NCAPH: variants seen among roughly 807,000 people sequenced by gnomAD.
NCAPH encodes the protein non-SMC condensin I complex subunit H, also known as condensin complex subunit 2.
In NCAPH, 38 loss-of-function variants were observed where a neutral mutation model predicts 85.5. The ratio of observed to expected loss-of-function variants is 0.44; its 90% CI spans 0.34 to 0.58. The LOEUF is 0.58. Ranked by LOEUF, NCAPH falls within the 20% of genes least tolerant of loss-of-function variation. The pLI, the probability that NCAPH is intolerant of heterozygous loss-of-function variation, is 0.01. For synonymous variants in NCAPH, 301 were observed against 335.1 expected (o/e 0.90, Z 1.11); for missense variants, 789 against 916.6 (o/e 0.86, Z 1.80).
At chr2:96,345,523 A>G (rs930174196) in intron 6 of NCAPH, among the ~76,000 whole-genome samples, 1 of 152,230 alleles carries the variant, frequency 6.6e-6, no homozygotes, top group African/African-American at 2.4e-5. Context: ...ACCTGCAGAA[A>G]GGAGCAGTGC....
At chr2:96,365,432 T>C (rs1281084413) in intron 13 of NCAPH, among the ~76,000 whole-genome samples, 1 of 148,438 alleles carries the variant, frequency 6.7e-6, no homozygotes, top group Non-Finnish European at 1.5e-5. Context: ...TACTGATACA[T>C]TCACTCTGGA....
rs912625546 is a variant in NCAPH, at chr2:96,369,104, T to A, written c.2090+41T>A. 1.8e-5 allele frequency: 27 copies of A among 1,535,298 alleles called. No homozygotes were observed. In the Admixed American group the frequency reaches 5.2e-4, roughly 30 times the overall value. ...CATGGGGGCTTTGTTGGGGCTCACC[T>A]CTCTGAGCTGTCCGCGTGGCAGGCC... On this transcript the variant is annotated intron_variant, in intron 16 of 17. Transcript: ENST00000240423.
intron 6 of NCAPH, among the ~76,000 whole-genome samples, chr2:96,345,678 T>G (rs2064353024): frequency 6.6e-6 from 1 of 152,154 alleles, no homozygotes; most frequent in African/African-American, 2.4e-5. Context: ...GGCAGTAGCT[T>G]AGTAACTGGG....
chr2:96,362,552 C>G (rs1259070002), intron 12 of NCAPH, among the ~76,000 whole-genome samples: 1 of 151,330 alleles, frequency 6.6e-6, no homozygotes, highest in Non-Finnish European at 1.5e-5. Flanking sequence ...ATCACTGGAA[C>G]CCAAGAGGTG....
chr2:96,360,463 C>A, intron 11 of NCAPH, 125 bp from the exon 12 acceptor site: 1 of 1,169,116 alleles, frequency 8.6e-7, no homozygotes, highest in Non-Finnish European at 1.2e-6. Context: ...CACTTTTTTA[C>A]ATAGAACTGT....
At chr2:96,361,704 T>C (rs1013496259) in intron 12 of NCAPH, among the ~76,000 whole-genome samples, 1 of 149,270 alleles carries the variant, frequency 6.7e-6, no homozygotes, top group Non-Finnish European at 1.5e-5. Context: ...ATTAAGACTT[T>C]ATACTTTCCT....
chr2:96,356,472 T>C (rs181162856), intron 9 of NCAPH, among the ~76,000 whole-genome samples: 97 of 152,378 alleles, frequency 6.4e-4, no homozygotes, highest in Non-Finnish European at 1.1e-3. Context: ...GCCAGGTGCC[T>C]TATGTGTGTT....
Position 96,376,211 on chromosome 2 carries a change from T to A in NCAPH, c.*2860T>A, listed in dbSNP as rs1299098571. Among the ~76,000 whole-genome samples, 3 of 152,172 alleles carry A rather than the reference T, an allele frequency of 2.0e-5. No individual in the cohort carries two copies. The highest frequency in any genetic ancestry group is 2.9e-5 in the Non-Finnish European group (2 of 68,034). The stretch of plus-strand genomic sequence containing the variant: ...ATGTCCATAACTGAAGTTTTAACAT[T>A]CTCTGCCAAACAGAACCAGAATTTA... On this transcript the variant is annotated 3_prime_UTR_variant, in exon 18 of 18. Coordinates refer to ENST00000240423, the MANE Select transcript of NCAPH (RefSeq NM_015341.5).
intron 17 of NCAPH, among the ~76,000 whole-genome samples, chr2:96,370,238 G>T (rs2064754920): frequency 6.6e-6 from 1 of 152,256 alleles, no homozygotes; most frequent in African/African-American, 2.4e-5. Context: ...AGGGCTATGG[G>T]CTGGGCCATG....
chr2:96,372,628 A>G (rs2064789001), intron 17 of NCAPH, among the ~76,000 whole-genome samples: 1 of 152,172 alleles, frequency 6.6e-6, no homozygotes, highest in Admixed American at 6.5e-5. Flanking sequence ...CAACAGATCC[A>G]CACTGCAGAC....
intron 6 of NCAPH, 54 bp downstream of exon 6, chr2:96,344,283 T>A (rs1573067647): frequency 1.3e-6 from 2 of 1,541,452 alleles, no homozygotes; most frequent in East Asian, 2.3e-5. Flanking sequence ...CCTTAGGGGC[T>A]GAGACTTGGC....
Position 96,359,197 on chromosome 2 carries a change from T to C in NCAPH, c.1357+4T>C, listed in dbSNP as rs1430474429. 1 of 1,613,426 alleles carries C rather than the reference T, an allele frequency of 6.2e-7. No individual in the cohort carries two copies. The highest frequency in any genetic ancestry group is 1.3e-5 in the African/African-American group (1 of 74,908). On this transcript the variant is annotated splice_donor_region_variant and intron_variant, in intron 10 of 17. Coordinates refer to ENST00000240423, the MANE Select transcript of NCAPH (RefSeq NM_015341.5). ...CGCTTTAGGCCTCGACGCAAACGTA[T>C]GTAATTCTAGGTGGAATTTTAAGAA...
At chr2:96,356,854 G>T (rs2064531656) in intron 9 of NCAPH, among the ~76,000 whole-genome samples, 1 of 150,842 alleles carries the variant, frequency 6.6e-6, no homozygotes, top group Non-Finnish European at 1.5e-5. Flanking sequence ...TTGTGTAGAT[G>T]CCTCACGTTA....
At chr2:96,358,579 C>T (rs1459680776) in intron 9 of NCAPH, among the ~76,000 whole-genome samples, 1 of 152,154 alleles carries the variant, frequency 6.6e-6, no homozygotes, top group Non-Finnish European at 1.5e-5. Context: ...CGCCATTCTC[C>T]TGCCTCAGCC....
chr2:96,347,263 AG>A (rs1365520838), intron 6 of NCAPH, among the ~76,000 whole-genome samples: 1 of 146,836 alleles, frequency 6.8e-6, no homozygotes, highest in Admixed American at 6.9e-5. Context: ...CAATTGGAGC[AG>A]TGCCCCTCAG....
rs1333541448 is a variant in NCAPH at position 96,374,298 on chromosome 2, C to CAGCAGTGGGTGGAG, written c.*955_*968dup. 6.6e-6 allele frequency among the ~76,000 whole-genome samples: 1 copy of CAGCAGTGGGTGGAG among 152,230 alleles called. No individual in the cohort carries two copies. The highest frequency in any genetic ancestry group is 1.9e-4 in the East Asian group (1 of 5,204). On this transcript the variant is annotated 3_prime_UTR_variant, in exon 18 of 18. Coordinates refer to ENST00000240423, the MANE Select transcript of NCAPH (RefSeq NM_015341.5). ...GCTACCTGGATAGGTCATACAGGCT[C>CAGCAGTGGGTGGAG]AGCAGTGGGTGGAGAGCAGTGCTCA...
chr2:96,335,858 G>A lies in NCAPH; in HGVS notation c.19+10G>A. ...GGACCTCCCGGCCCAGGTGAGCCGG[G>A]CGGTCGGGAGGCGCGGCGGGAAGGG... On this transcript the variant is annotated intron_variant, in intron 1 of 17. Coordinates refer to ENST00000240423, the MANE Select transcript of NCAPH (RefSeq NM_015341.5). 6 of 1,485,410 alleles carry A rather than the reference G, an allele frequency of 4.0e-6. No homozygotes were observed. Among genetic ancestry groups the A allele is most frequent in the South Asian group, 1.3e-5 (1 of 76,740 alleles). The allele number at this position is 1,485,410 out of a possible 1,614,324, so 92.0% of individuals were successfully genotyped here.
Position 96,340,974 on chromosome 2 carries a change from G to A in NCAPH, c.20-668G>A, listed in dbSNP as rs1048681924. Among the ~76,000 whole-genome samples, 12 of 152,174 alleles carry A rather than the reference G, an allele frequency of 7.9e-5. No homozygotes were observed. In the East Asian group the frequency reaches 1.9e-3, roughly 24 times the overall value. ...GTTAAATTTAGGTTAAACATGTTTG[G>A]TGGAAATATTTCCTGGGTGATGCTA... On this transcript the variant is annotated intron_variant, in intron 1 of 17. Coordinates refer to ENST00000240423, the MANE Select transcript of NCAPH (RefSeq NM_015341.5).
In NCAPH at chr2:96,369,023, G is replaced by T; in HGVS notation, c.2050G>T (p.Glu684Ter). 1 of 1,556,730 alleles carries T rather than the reference G, an allele frequency of 6.4e-7. No individual in the cohort carries two copies. Among genetic ancestry groups the T allele is most frequent in the South Asian group, 1.2e-5 (1 of 84,312 alleles). ...AGCGGCCCTGGCAGAAGTGGCTGAC[G>T]AGAAGATGCTTAGCGGGCTCACGAA... ...KEAALAEVADEKMLSGLTKDL... is the reference protein window; with the variant it reads ...KEAALAEVAD Residue 684 changes from glutamate to a stop codon, truncating the protein, a stop_gained, in exon 16 of 18, where the codon GAG (glutamate) becomes TAG (stop). Coordinates refer to ENST00000240423, the MANE Select transcript of NCAPH (RefSeq NM_015341.5). LOFTEE classifies it high-confidence loss of function.
Sources: allele counts gnomAD v4.1 joint callset (sites outside exome capture counted in the v4.1 genomes callset), GRCh38; gene constraint gnomAD v4.1.1; transcripts MANE v1.5; gene names NCBI Gene and HGNC (gene_info 2026-07-23, HGNC 2026-07-21).